The following PTPRJ variants were observed in gnomAD, a reference collection of about 807,000 sequenced individuals.
The protein encoded by PTPRJ is receptor-type tyrosine-protein phosphatase eta.
A neutral mutation model predicts 141.3 loss-of-function variants in PTPRJ; 129 were observed. That is an observed-to-expected ratio of 0.91 (90% confidence interval 0.79 to 1.06). The LOEUF is 1.06. Among genes scored for constraint, PTPRJ ranks in the 50% least tolerant of loss-of-function variants. PTPRJ has a pLI of 0.00. For synonymous variants in PTPRJ, 610 were observed against 640.5 expected (o/e 0.95, Z 0.72); for missense variants, 1,601 against 1,679.7 (o/e 0.95, Z 0.82).
chr11:47,986,110 C>T (rs1238346689), intron 1 of PTPRJ, among the ~76,000 whole-genome samples: 1 of 152,178 alleles, frequency 6.6e-6, no homozygotes, highest in Non-Finnish European at 1.5e-5. Context: ...CAGGGACATG[C>T]TACCTTTATT....
intron 1 of PTPRJ, among the ~76,000 whole-genome samples, chr11:48,090,604 G>A (rs939803870): frequency 3.9e-5 from 6 of 152,214 alleles, no homozygotes; most frequent in Non-Finnish European, 7.3e-5. Flanking sequence ...GAATGCTGCT[G>A]TTTTTTAGAC....
chr11:48,164,519 A>G lies in PTPRJ; in HGVS notation c.3855+4A>G, dbSNP rs759615628. The G allele has an allele frequency of 1.3e-6, 2 of 1,514,128 alleles. No homozygotes were observed. The highest frequency in any genetic ancestry group is 1.8e-6 in the Non-Finnish European group (2 of 1,107,460). The allele number at this position is 1,514,128 out of a possible 1,614,324, so 93.8% of individuals were successfully genotyped here. On this transcript the variant is annotated splice_donor_region_variant and intron_variant, in intron 24 of 24. Transcript: ENST00000418331. ...GCCTTTAATGGTGCAGACAGAGGTGAGGCCAAGATCTGTATTTGACATTCC... is the reference window on the plus strand; with the variant it reads ...GCCTTTAATGGTGCAGACAGAGGTGGGGCCAAGATCTGTATTTGACATTCC...
At chr11:48,021,087 T>G (rs1048760812) in intron 1 of PTPRJ, among the ~76,000 whole-genome samples, 5 of 152,290 alleles carry the variant, frequency 3.3e-5, no homozygotes, top group Admixed American at 1.3e-4. Flanking sequence ...AACAAAAGGT[T>G]AAGCTGCTGG....
At chr11:48,015,429 A>G (rs901698727) in intron 1 of PTPRJ, among the ~76,000 whole-genome samples, 1 of 149,596 alleles carries the variant, frequency 6.7e-6, no homozygotes, top group African/African-American at 2.5e-5. Context: ...TCTTACCCCA[A>G]CCTCCCGCCC....
intron 1 of PTPRJ, among the ~76,000 whole-genome samples, chr11:48,078,329 A>T (rs2134281709): frequency 6.6e-6 from 1 of 152,244 alleles, no homozygotes; most frequent in Middle Eastern, 3.4e-3. Context: ...AAGGGCTGAG[A>T]TTACAGGCAT....
intron 1 of PTPRJ, among the ~76,000 whole-genome samples, chr11:48,012,112 G>C (rs79560246): frequency 0.011 from 1,640 of 152,226 alleles, 25 homozygotes; most frequent in African/African-American, 0.037. Context: ...GTTCACACTT[G>C]GGGGCATGGT....
intron 1 of PTPRJ, among the ~76,000 whole-genome samples, chr11:48,078,385 T>G (rs1417918911): frequency 1.3e-5 from 2 of 152,134 alleles, no homozygotes; most frequent in African/African-American, 4.8e-5. Flanking sequence ...GTGCAAAATT[T>G]AAGAGGATGG....
intron 15 of PTPRJ, among the ~76,000 whole-genome samples, chr11:48,147,397 A>G (rs1294468917): frequency 6.6e-6 from 1 of 152,218 alleles, no homozygotes; most frequent in Admixed American, 6.5e-5. Context: ...GATTGAATAA[A>G]TAAGGCACTT....
intron 1 of PTPRJ, among the ~76,000 whole-genome samples, chr11:48,075,014 G>A (rs1855362986): frequency 6.6e-6 from 1 of 152,194 alleles, no homozygotes; most frequent in African/African-American, 2.4e-5. Context: ...GAGCTAGTGG[G>A]TGTATACCAG....
chr11:48,159,105 T>G (rs1857689149), intron 21 of PTPRJ, among the ~76,000 whole-genome samples: 1 of 129,066 alleles, frequency 7.7e-6, no homozygotes. Context: ...GGGGTGTGTG[T>G]GTGTGTGTGT....
intron 9 of PTPRJ, among the ~76,000 whole-genome samples, chr11:48,136,602 G>A (rs923181446): frequency 6.6e-6 from 1 of 151,902 alleles, no homozygotes; most frequent in South Asian, 2.1e-4. Context: ...GGTATTGGAA[G>A]ATACTGCCCA....
intron 4 of PTPRJ, among the ~76,000 whole-genome samples, chr11:48,123,082 G>T (rs1183275558): frequency 1.3e-5 from 2 of 152,238 alleles, no homozygotes; most frequent in Admixed American, 1.3e-4. Flanking sequence ...GGAAGGTCCA[G>T]GATATAGTGG....
intron 3 of PTPRJ, among the ~76,000 whole-genome samples, chr11:48,117,069 T>C (rs1856584361): frequency 6.6e-6 from 1 of 152,238 alleles, no homozygotes; most frequent in Non-Finnish European, 1.5e-5. Flanking sequence ...ACAGTAACTA[T>C]TGTTAATTGT....
At chr11:47,995,101 A>G (rs1445406605) in intron 1 of PTPRJ, among the ~76,000 whole-genome samples, 1 of 152,248 alleles carries the variant, frequency 6.6e-6, no homozygotes, top group East Asian at 1.9e-4. Context: ...AAGTCCTGTG[A>G]TTAGTCTTAT....
intron 11 of PTPRJ, among the ~76,000 whole-genome samples, chr11:48,141,140 C>G (rs897902668): frequency 6.6e-6 from 1 of 152,096 alleles, no homozygotes; most frequent in African/African-American, 2.4e-5. Flanking sequence ...GAGTTTGAAA[C>G]CAGCCTGGGC....
chr11:48,107,147 G>A (rs373413205), intron 1 of PTPRJ, among the ~76,000 whole-genome samples: 143 of 152,118 alleles, frequency 9.4e-4, no homozygotes, highest in African/African-American at 3.2e-3. Flanking sequence ...GAATTGGGAT[G>A]GTGCAGAAAG....
At chr11:48,058,300 G>A (rs1854815721) in intron 1 of PTPRJ, among the ~76,000 whole-genome samples, 1 of 152,146 alleles carries the variant, frequency 6.6e-6, no homozygotes, top group Non-Finnish European at 1.5e-5. Flanking sequence ...GACCTCTTGG[G>A]CTCAAGCAAT....
In PTPRJ at chr11:48,124,974, G is replaced by A. The variant is rs2134344078; in HGVS notation, c.881G>A (p.Ser294Asn). 1 of 1,613,826 alleles carries A rather than the reference G, an allele frequency of 6.2e-7. No individual in the cohort carries two copies. The highest frequency in any genetic ancestry group is 1.1e-5 in the South Asian group (1 of 91,070). The change falls in exon 6 of 25, where the codon AGC (serine) becomes AAC (asparagine). Residue 294 changes from serine to asparagine, a missense_variant. Transcript: ENST00000418331. Reference protein sequence around the residue: ...PLGTEGGLDASNTERSRAGSP... With the variant: ...PLGTEGGLDANNTERSRAGSP... ...TCTCCTGTGCTTGAAACAGATGCCA[G>A]CAATACAGAGAGAAGCCGGGCAGGG...
chr11:48,067,302 A>G (rs1855112932), intron 1 of PTPRJ, among the ~76,000 whole-genome samples: 1 of 152,142 alleles, frequency 6.6e-6, no homozygotes. Context: ...TCTGCGGACA[A>G]TGGGGGGAAG....
Sources: gnomAD v4.1 joint callset for allele counts (sites outside exome capture counted in the v4.1 genomes callset) on GRCh38, gnomAD v4.1.1 for gene constraint, MANE v1.5 for transcripts, NCBI Gene and HGNC (gene_info 2026-07-23, HGNC 2026-07-21) for gene names.